The following ASTN2 variants were observed in gnomAD, a reference collection of about 807,000 sequenced individuals.
ASTN2 encodes astrotactin 2.
In ASTN2, 54 loss-of-function variants were observed where a neutral mutation model predicts 139.8. The observed-to-expected ratio is 0.39, with a 90% CI of 0.31 to 0.48. The LOEUF (loss-of-function observed/expected upper bound fraction) is 0.48, where lower values mean the gene tolerates loss of function less well. Among genes scored for constraint, ASTN2 ranks in the 20% least tolerant of loss-of-function variants. The pLI, the probability that ASTN2 is intolerant of heterozygous loss-of-function variation, is 0.95. For synonymous variants in ASTN2, 756 were observed against 719.5 expected (o/e 1.05, Z -0.81); for missense variants, 1,565 against 1,725.1 (o/e 0.91, Z 1.64).
At position 116,678,688 on chromosome 9, in the gene ASTN2, T is replaced by C. The variant is rs558718104; in HGVS notation, c.2807-26895A>G. Reference sequence around the variant, plus strand: ...ATAAACAAGATGGCTAAGATTTGATTGAAATTATTTAGCTTTTTTTCCATA... The same window carrying C: ...ATAAACAAGATGGCTAAGATTTGATCGAAATTATTTAGCTTTTTTTCCATA... On this transcript the variant is annotated intron_variant, in intron 16 of 22. Transcript: ENST00000313400. Among the ~76,000 whole-genome samples the C allele has an allele frequency of 5.8e-4, 88 of 152,276 alleles. 2 individuals are homozygous for C. The South Asian group carries it at 6.6e-3, about 11-fold the overall frequency.
At chr9:117,203,109 C>G (rs1831784592) in intron 3 of ASTN2, among the ~76,000 whole-genome samples, 1 of 151,466 alleles carries the variant, frequency 6.6e-6, no homozygotes, top group Non-Finnish European at 1.5e-5. Context: ...GATATCCTTT[C>G]TTCTGCTTGG....
chr9:116,610,912 A>G (rs942676357), intron 19 of ASTN2: 1 of 152,174 alleles, frequency 6.6e-6, no homozygotes, highest in Non-Finnish European at 1.5e-5. Flanking sequence ...AAAATCAGAA[A>G]GGCTCCAGAA....
At chr9:116,816,724 T>C (rs13287008) in intron 12 of ASTN2, among the ~76,000 whole-genome samples, 77,055 of 151,610 alleles carry the variant, frequency 0.51, 19,779 homozygotes, top group Middle Eastern at 0.63. Context: ...GGGAGAGCCA[T>C]GGGGCCTGTG....
At chr9:116,785,645 G>A (rs922934404) in intron 13 of ASTN2, among the ~76,000 whole-genome samples, 8 of 152,136 alleles carry the variant, frequency 5.3e-5, no homozygotes, top group African/African-American at 1.9e-4. Flanking sequence ...CTGTCCAACT[G>A]CTCAGGCAAA....
At chr9:116,728,843 C>A in intron 15 of ASTN2, 149 bp downstream of exon 15, 1 of 641,876 alleles carries the variant, frequency 1.6e-6, no homozygotes, top group Non-Finnish European at 2.7e-6. Flanking sequence ...GTCCACCCAC[C>A]CTCCCTAGGA....
intron 19 of ASTN2, among the ~76,000 whole-genome samples, chr9:116,524,809 T>C (rs1851022894): frequency 6.6e-6 from 1 of 152,188 alleles, no homozygotes; most frequent in Non-Finnish European, 1.5e-5. Context: ...TTCCTCTCTG[T>C]AGAGATATGC....
chr9:117,245,680 T>A (rs1005819478), intron 2 of ASTN2, among the ~76,000 whole-genome samples: 4 of 152,150 alleles, frequency 2.6e-5, no homozygotes, highest in Non-Finnish European at 4.4e-5. Context: ...CTCTATAGTT[T>A]TTTAATTTCC....
intron 16 of ASTN2, chr9:116,697,523 A>G (rs1860923748): frequency 1.7e-6 from 1 of 591,062 alleles, no homozygotes; most frequent in Admixed American, 3.0e-5. Context: ...CTCACGTGAC[A>G]TATAATAGAC....
At chr9:117,398,080 G>A (rs191736014) in intron 1 of ASTN2, among the ~76,000 whole-genome samples, 9 of 152,048 alleles carry the variant, frequency 5.9e-5, no homozygotes, top group Admixed American at 2.6e-4. Context: ...TACATATTAT[G>A]TATATGTGTG....
intron 10 of ASTN2, among the ~76,000 whole-genome samples, chr9:116,881,964 T>C (rs1459592957): frequency 6.6e-6 from 1 of 152,176 alleles, no homozygotes; most frequent in East Asian, 1.9e-4. Context: ...CACAAGGTAA[T>C]TACCCAGTGA....
chr9:117,016,622 ATC>A (rs1491220215), intron 6 of ASTN2, among the ~76,000 whole-genome samples: 87 of 4,972 alleles, frequency 0.017, 4 homozygotes, highest in East Asian at 0.037. Context: ...ATATCTATCT[ATC>A]TATATATATA....
intron 22 of ASTN2, among the ~76,000 whole-genome samples, chr9:116,429,225 G>A (rs151097444): frequency 0.037 from 5,655 of 151,316 alleles, 127 homozygotes; most frequent in East Asian, 0.073. Flanking sequence ...TGTAATCCCA[G>A]CTACTCGGGA....
Position 117,230,661 on chromosome 9 carries a change from C to G in ASTN2, c.631-15919G>C, listed in dbSNP as rs78301121. On this transcript the variant is annotated intron_variant, in intron 2 of 22. Coordinates refer to ENST00000313400, the MANE Select transcript of ASTN2 (RefSeq NM_001365068.1). ...TTAGTTGCAAGAGTCACTGAAGCAA[C>G]CCATAGTAAGTGAACCAAAGAGATT... Among the ~76,000 whole-genome samples, 1,323 of 152,154 alleles carry G rather than the reference C, an allele frequency of 8.7e-3. 23 individuals are homozygous for G. Among genetic ancestry groups the G allele is most frequent in the African/African-American group, 0.031 (1,276 of 41,512 alleles).
At position 117,320,631 on chromosome 9, in the gene ASTN2, C is replaced by G. The variant is rs113346387; in HGVS notation, c.443-29118G>C. Among the ~76,000 whole-genome samples the G allele has an allele frequency of 6.6e-5, 10 of 152,286 alleles. No homozygotes were observed. The East Asian group carries it at 1.9e-3, about 29-fold the overall frequency. On this transcript the variant is annotated intron_variant, in intron 1 of 22. Transcript: ENST00000313400. ...ACTCCATAACATGACTCTGCCCCTCCTTAGTGACTAGAACCACCACTTTGT... is the reference window on the plus strand; with the variant it reads ...ACTCCATAACATGACTCTGCCCCTCGTTAGTGACTAGAACCACCACTTTGT...
chr9:116,821,086 T>C lies in ASTN2; in HGVS notation c.2041-303A>G, dbSNP rs950659392. Among the ~76,000 whole-genome samples, 6 of 152,196 alleles carry C rather than the reference T, an allele frequency of 3.9e-5. No homozygotes were observed. In the South Asian group the frequency reaches 1.2e-3, roughly 32 times the overall value. Reference sequence around the variant, plus strand: ...TCACACGGCAACAGCACAGCAAATGTCAGCTGCTGCTAATATTGATATTGC... The same window carrying C: ...TCACACGGCAACAGCACAGCAAATGCCAGCTGCTGCTAATATTGATATTGC... On this transcript the variant is annotated intron_variant, in intron 11 of 22. Coordinates refer to ENST00000313400, the MANE Select transcript of ASTN2 (RefSeq NM_001365068.1).
chr9:116,625,837 T>C (rs1006138416), intron 17 of ASTN2, among the ~76,000 whole-genome samples: 1 of 151,928 alleles, frequency 6.6e-6, no homozygotes, highest in Non-Finnish European at 1.5e-5. Flanking sequence ...AGGAAGGAGG[T>C]GTGGACCCTG....
At chr9:116,572,715 C>A (rs1273493345) in intron 19 of ASTN2, among the ~76,000 whole-genome samples, 2 of 152,182 alleles carry the variant, frequency 1.3e-5, no homozygotes, top group African/African-American at 4.8e-5. Flanking sequence ...TCTATGCTTA[C>A]CCAATGACTT....
intron 6 of ASTN2, among the ~76,000 whole-genome samples, chr9:117,023,723 G>T (rs187119082): frequency 6.6e-6 from 1 of 152,022 alleles, no homozygotes; most frequent in Non-Finnish European, 1.5e-5. Flanking sequence ...GATTAAAAAA[G>T]GTATTATAGG....
At chr9:117,042,366 A>G (rs1204344907) in intron 5 of ASTN2, among the ~76,000 whole-genome samples, 4 of 152,204 alleles carry the variant, frequency 2.6e-5, no homozygotes, top group East Asian at 1.9e-4. Flanking sequence ...CCTGGAACCC[A>G]GAAGTTACTT....
Sources: gnomAD v4.1 joint callset for allele counts (sites outside exome capture counted in the v4.1 genomes callset) on GRCh38, gnomAD v4.1.1 for gene constraint, MANE v1.5 for transcripts, NCBI Gene and HGNC (gene_info 2026-07-23, HGNC 2026-07-21) for gene names.